The following METTL6 variants were observed in gnomAD, a reference collection of about 807,000 sequenced individuals.
METTL6 encodes the protein methyltransferase 6, tRNA N3-cytidine.
A neutral mutation model predicts 26.4 loss-of-function variants in METTL6; 22 were observed. The ratio of observed to expected loss-of-function variants is 0.83; its 90% CI spans 0.59 to 1.19. METTL6 has a LOEUF of 1.19. Ranked by LOEUF, METTL6 falls within the 50% of genes most tolerant of loss-of-function variation. The pLI is 0.00. For synonymous variants in METTL6, 109 were observed against 116.2 expected (o/e 0.94, Z 0.40); for missense variants, 304 against 324.8 (o/e 0.94, Z 0.49).
chr3:15,414,322 A>T, intron 4 of METTL6, 160 bp from the exon 5 acceptor site: 1 of 1,419,564 alleles, frequency 7.0e-7, no homozygotes, highest in Non-Finnish European at 9.2e-7. Context: ...AAAAGATAGT[A>T]AGACCAGGCA....
chr3:15,414,849 G>C lies in METTL6; in HGVS notation c.532-687C>G, dbSNP rs1280911024. 5.4e-6 allele frequency: 3 copies of C among 553,180 alleles called. No homozygotes were observed. The East Asian group carries it at 2.1e-4, about 39-fold the overall frequency. The allele number at this position is 553,180 out of a possible 1,614,324, so 34.3% of individuals were successfully genotyped here. ...AGGTGGGAGAACTGCTTGAGCCCAGGAAGTTGAGGCTGCAGTGAGCCACGT... is the reference window on the plus strand; with the variant it reads ...AGGTGGGAGAACTGCTTGAGCCCAGCAAGTTGAGGCTGCAGTGAGCCACGT... On this transcript the variant is annotated intron_variant, in intron 4 of 5. Transcript: ENST00000383790.
At chr3:15,415,670 G>C in intron 4 of METTL6, 102 bp downstream of exon 4, 1 of 1,598,184 alleles carries the variant, frequency 6.3e-7, no homozygotes, top group Non-Finnish European at 8.6e-7. Context: ...AGTGAGAATG[G>C]AGAGACTATG....
chr3:15,400,561 A>C (rs991151374), intron 6 of METTL6, among the ~76,000 whole-genome samples: 10 of 152,214 alleles, frequency 6.6e-5, no homozygotes, highest in East Asian at 5.8e-4. Flanking sequence ...CATTTAGCTC[A>C]TGGTGGGTAG....
chr3:15,412,956 C>T (rs1575418686), intron 5 of METTL6, among the ~76,000 whole-genome samples: 1 of 152,040 alleles, frequency 6.6e-6, no homozygotes, highest in African/African-American at 2.4e-5. Context: ...TTTTAAATAC[C>T]TCTTTAGGCT....
At chr3:15,385,597 A>C (rs1355250875) in intron 6 of METTL6, among the ~76,000 whole-genome samples, 1 of 152,020 alleles carries the variant, frequency 6.6e-6, no homozygotes, top group Admixed American at 6.6e-5. Flanking sequence ...GATTCCATCT[A>C]AAACAAACAA....
chr3:15,394,963 G>T (rs544254414), intron 6 of METTL6, among the ~76,000 whole-genome samples: 1 of 152,230 alleles, frequency 6.6e-6, no homozygotes, highest in Non-Finnish European at 1.5e-5. Flanking sequence ...GTGCTGAAAA[G>T]AATGTATATT....
intron 3 of METTL6, among the ~76,000 whole-genome samples, chr3:15,422,979 C>T (rs1017182300): frequency 7.2e-5 from 11 of 152,102 alleles, no homozygotes; most frequent in Non-Finnish European, 1.3e-4. Context: ...ATAAATTAAA[C>T]AGTAATGCAA....
chr3:15,424,050 T>C (rs544079264), intron 3 of METTL6, among the ~76,000 whole-genome samples: 1 of 152,090 alleles, frequency 6.6e-6, no homozygotes, highest in South Asian at 2.1e-4. Context: ...CTACAAACAA[T>C]TAAAAAATTG....
At chr3:15,388,546 G>T (rs915043923) in intron 6 of METTL6, among the ~76,000 whole-genome samples, 1 of 152,154 alleles carries the variant, frequency 6.6e-6, no homozygotes, top group Non-Finnish European at 1.5e-5. Context: ...TCCTGGGTGG[G>T]AGCCACAAGA....
At chr3:15,422,345 T>C (rs2061627396) in intron 3 of METTL6, among the ~76,000 whole-genome samples, 1 of 148,574 alleles carries the variant, frequency 6.7e-6, no homozygotes, top group Non-Finnish European at 1.5e-5. Context: ...AAAATAAAAA[T>C]AGGCTGGATG....
upstream of METTL6, chr3:15,427,632 T>G (rs2061759325): frequency 5.2e-6 from 4 of 770,128 alleles, no homozygotes; most frequent in Admixed American, 9.6e-5. Context: ...AGAACTTGCT[T>G]CTGGACCCGG....
At chr3:15,405,001 G>A (rs568571323), downstream of METTL6, among the ~76,000 whole-genome samples, 518 of 152,290 alleles carry the variant, frequency 3.4e-3, no homozygotes, top group South Asian at 6.8e-3. Flanking sequence ...GTGAAATAGG[G>A]AACCAAATGC....
At chr3:15,385,638 C>T (rs1219443699) in intron 6 of METTL6, among the ~76,000 whole-genome samples, 2 of 151,908 alleles carry the variant, frequency 1.3e-5, no homozygotes, top group Admixed American at 6.6e-5. Flanking sequence ...CACTTGTTGA[C>T]TGCTTGAAGC....
Position 15,398,420 on chromosome 3 carries a change from G to A in METTL6, c.*11+12825C>T, listed in dbSNP as rs770091125. Among the ~76,000 whole-genome samples the A allele has an allele frequency of 3.3e-5, 5 of 152,206 alleles. No individual in the cohort carries two copies. In the East Asian group the frequency reaches 5.8e-4, roughly 18 times the overall value. ...TGTTGGCCAGGCTGGCCTCGAGCTC[G>A]TGACCTCAAGTGATCTGCCTGTCTC... On this transcript the variant is annotated intron_variant, in intron 6 of 6. Transcript: ENST00000443029.
intron 6 of METTL6, among the ~76,000 whole-genome samples, chr3:15,393,754 T>A (rs1024739385): frequency 6.6e-6 from 1 of 152,240 alleles, no homozygotes; most frequent in African/African-American, 2.4e-5. Context: ...ATTGAGATAA[T>A]CATGTGGTTT....
intron 6 of METTL6, among the ~76,000 whole-genome samples, chr3:15,392,275 C>G (rs1196423524): frequency 2.0e-5 from 3 of 152,058 alleles, no homozygotes; most frequent in Non-Finnish European, 4.4e-5. Flanking sequence ...TTTCATGTGT[C>G]TTTTGGCTGC....
chr3:15,417,848 A>G (rs1228293574), intron 3 of METTL6, among the ~76,000 whole-genome samples: 3 of 152,160 alleles, frequency 2.0e-5, no homozygotes, highest in African/African-American at 7.2e-5. Flanking sequence ...GAAGCAGAAC[A>G]TTAGAGAACG....
intron 6 of METTL6, among the ~76,000 whole-genome samples, chr3:15,399,706 T>G (rs1182996486): frequency 6.6e-6 from 1 of 151,846 alleles, no homozygotes; most frequent in Non-Finnish European, 1.5e-5. Context: ...TCCAAAATCA[T>G]AGCAGCCATG....
chr3:15,424,283 T>C (rs1322490345), intron 3 of METTL6, among the ~76,000 whole-genome samples: 1 of 152,230 alleles, frequency 6.6e-6, no homozygotes, highest in East Asian at 1.9e-4. Context: ...TATTTGTTTA[T>C]TTAAAGACAG....
Sources: gnomAD v4.1 joint callset for allele counts (sites outside exome capture counted in the v4.1 genomes callset) on GRCh38, gnomAD v4.1.1 for gene constraint, MANE v1.5 for transcripts, NCBI Gene and HGNC (gene_info 2026-07-23, HGNC 2026-07-21) for gene names.